INCENP: variants seen among roughly 807,000 people sequenced by gnomAD.
The protein encoded by INCENP is binds and activates aurora-B and -C in vivo and in vitro.
A neutral mutation model predicts 107.3 loss-of-function variants in INCENP; 43 were observed. The ratio of observed to expected loss-of-function variants is 0.40; its 90% CI spans 0.31 to 0.52. INCENP has a LOEUF of 0.52. INCENP is among the 20% of genes least tolerant of loss of function. INCENP has a pLI of 0.53. For missense variants in INCENP, 1,089 were observed against 1,250.9 expected (o/e 0.87, Z 1.95); for synonymous variants, 488 against 494.4 (o/e 0.99, Z 0.17).
chr11:62,148,323 G>T (rs1028029305), intron 15 of INCENP, among the ~76,000 whole-genome samples, 153 bp from the exon 16 acceptor site: 1 of 152,216 alleles, frequency 6.6e-6, no homozygotes, highest in Admixed American at 6.5e-5. Flanking sequence ...GGGCAAAAGC[G>T]CAGCTCTTGG....
At chr11:62,135,494 C>T (rs903218897) in intron 4 of INCENP, among the ~76,000 whole-genome samples, 1 of 152,058 alleles carries the variant, frequency 6.6e-6, no homozygotes, top group Non-Finnish European at 1.5e-5. Flanking sequence ...AAACTCCTGA[C>T]CTCAAATCAT....
rs1418886521 is a variant in INCENP, at chr11:62,128,813, C to T, written c.184C>T (p.Gln62Ter). 6.2e-7 allele frequency: 1 copy of T among 1,614,154 alleles called. No homozygotes were observed. Among genetic ancestry groups the T allele is most frequent in the Non-Finnish European group, 8.5e-7 (1 of 1,180,002 alleles). Reference protein sequence around the residue: ...EPELMPKTPSQKNRRKKRRIS... With the variant: ...EPELMPKTPS The stretch of plus-strand genomic sequence containing the variant: ...AGAGCTGATGCCCAAAACACCTTCT[C>T]AGAAGAACCGACGGAAGAAGAGACG... Residue 62 changes from glutamine to a stop codon, truncating the protein, a stop_gained, in exon 3 of 19, where the codon CAG becomes TAG. Coordinates refer to ENST00000394818, the MANE Select transcript of INCENP (RefSeq NM_001040694.2). LOFTEE classifies it high-confidence loss of function.
Position 62,141,692 on chromosome 11 carries a change from C to T in INCENP, c.1605+181C>T, listed in dbSNP as rs1317222302. 7 of 786,644 alleles carry T rather than the reference C, an allele frequency of 8.9e-6. No homozygotes were observed. The East Asian group carries it at 1.5e-4, about 17-fold the overall frequency. 48.7% of individuals were successfully genotyped at this position (786,644 alleles called of 1,614,324 possible). On this transcript the variant is annotated intron_variant, in intron 11 of 18. Transcript: ENST00000394818. ...GCTGGAGGCGCCCAGCAGTTCTGGG[C>T]CCCAGCGTCCTTCTCTGCCCTCCCT...
chr11:62,132,688 T>C (rs1304652790), intron 4 of INCENP, among the ~76,000 whole-genome samples: 2 of 152,162 alleles, frequency 1.3e-5, no homozygotes, highest in African/African-American at 2.4e-5. Context: ...TCTCATGCCC[T>C]TCCATCACTC....
intron 1 of INCENP, among the ~76,000 whole-genome samples, chr11:62,125,884 G>T (rs1675129): frequency 0.57 from 85,981 of 152,102 alleles, 25,801 homozygotes; most frequent in Non-Finnish European, 0.67. Flanking sequence ...AAACAAGCAC[G>T]CAAGTGCTCT....
chr11:62,150,002 T>A, intron 17 of INCENP, 55 bp from the exon 18 acceptor site: 1 of 1,580,906 alleles, frequency 6.3e-7, no homozygotes. Flanking sequence ...CACTCCTCGG[T>A]GGTGAGAGAT....
intron 4 of INCENP, among the ~76,000 whole-genome samples, chr11:62,136,800 G>T (rs1944003810): frequency 6.6e-6 from 1 of 152,234 alleles, no homozygotes; most frequent in African/African-American, 2.4e-5. Flanking sequence ...CTCTGGCCTT[G>T]ACTGGGGCTG....
chr11:62,145,136 TG>T lies in INCENP; in HGVS notation c.1716-29del, dbSNP rs769945392. Reference sequence around the variant, plus strand: ...GGACTGTGGCCCATCCCAGCCTTGGTGGGGCTCCCCATGACTATCCTATGCC... The same window carrying T: ...GGACTGTGGCCCATCCCAGCCTTGGTGGGCTCCCCATGACTATCCTATGCC... On this transcript the variant is annotated intron_variant, in intron 12 of 18. Coordinates refer to ENST00000394818, the MANE Select transcript of INCENP (RefSeq NM_001040694.2). 4.3e-6 allele frequency: 7 copies of T among 1,613,970 alleles called. No individual in the cohort carries two copies. The South Asian group carries it at 5.5e-5, about 13-fold the overall frequency.
intron 14 of INCENP, 56 bp downstream of exon 14, chr11:62,145,807 C>A: frequency 6.6e-7 from 1 of 1,522,804 alleles, no homozygotes; most frequent in Non-Finnish European, 8.8e-7. Context: ...GCTGTCTCAG[C>A]ACCATGGGGC....
rs1335103278 is a variant in INCENP at position 62,150,105 on chromosome 11, C to G, written c.2440C>G (p.Pro814Ala). The G allele has an allele frequency of 6.2e-7, 1 of 1,614,042 alleles. No homozygotes were observed. The highest frequency in any genetic ancestry group is 8.5e-7 in the Non-Finnish European group (1 of 1,179,998). Reference protein sequence around the residue: ...YQMTPQGHRAPPKINPDNYGM... With the variant: ...YQMTPQGHRAAPKINPDNYGM... ...GATGACTCCGCAAGGGCACAGGGCC[C>G]CTCCCAAGATCAACCCAGATAACTA... Residue 814 changes from proline to alanine, a missense_variant, in exon 18 of 19, where the codon CCT (proline) becomes GCT (alanine). Physicochemically the swap from Pro to Ala is conservative, Grantham distance 27 (BLOSUM62 -1). Transcript: ENST00000394818.
At chr11:62,148,659 A>G in intron 16 of INCENP, 80 bp from the exon 17 acceptor site, 2 of 1,338,202 alleles carry the variant, frequency 1.5e-6, no homozygotes, top group East Asian at 2.5e-5. Flanking sequence ...GAAAGGGAGG[A>G]GAATGGAGCG....
intron 7 of INCENP, 34 bp downstream of exon 7, chr11:62,139,039 G>T: frequency 6.7e-7 from 1 of 1,501,202 alleles, no homozygotes; most frequent in South Asian, 1.1e-5. Context: ...TGCAGTGCCC[G>T]GAGCCACAGC....
At chr11:62,135,941 C>T in intron 4 of INCENP, among the ~76,000 whole-genome samples, 1 of 152,104 alleles carries the variant, frequency 6.6e-6, no homozygotes, top group Non-Finnish European at 1.5e-5. Context: ...TCCCGAGTAG[C>T]TGGGACTACA....
At chr11:62,140,578 C>T in intron 8 of INCENP, 126 bp from the exon 9 acceptor site, 1 of 815,784 alleles carries the variant, frequency 1.2e-6, no homozygotes, top group South Asian at 1.7e-5. Flanking sequence ...TGCTTAGGCT[C>T]TGCAGCCTCT....
At position 62,138,565 on chromosome 11, in the gene INCENP, C is replaced by T. The variant is rs545879009; in HGVS notation, c.1116-148C>T. The T allele has an allele frequency of 4.2e-5, 27 of 645,316 alleles. No homozygotes were observed. The Admixed American group carries it at 4.3e-4, about 10-fold the overall frequency. 40.0% of individuals were successfully genotyped at this position (645,316 alleles called of 1,614,324 possible). Reference sequence around the variant, plus strand: ...TTGCCGGGAGCTGCCATCCTCCTATCCTACAGGGGGCTGTGGGTTCGTGGC... The same window carrying T: ...TTGCCGGGAGCTGCCATCCTCCTATTCTACAGGGGGCTGTGGGTTCGTGGC... On this transcript the variant is annotated intron_variant, in intron 5 of 18. Transcript: ENST00000394818.
At chr11:62,133,824 C>T (rs964871758) in intron 4 of INCENP, among the ~76,000 whole-genome samples, 1 of 152,140 alleles carries the variant, frequency 6.6e-6, no homozygotes, top group Non-Finnish European at 1.5e-5. Flanking sequence ...CACCACCTCC[C>T]CAAACCTGGC....
In INCENP at chr11:62,138,947, CACACCCA is replaced by C; in HGVS notation, c.1236_1242del (p.Pro413ArgfsTer43). The C allele has an allele frequency of 1.9e-6, 3 of 1,614,160 alleles. No individual in the cohort carries two copies. Among genetic ancestry groups the C allele is most frequent in the Non-Finnish European group, 2.5e-6 (3 of 1,179,996 alleles). On this transcript the variant is annotated frameshift_variant, in exon 7 of 19. Transcript: ENST00000394818. ...ACAATGACACGGAGATTGCCAACAG[CACACCCA>C]ACCCGAAGCCTGCAGCCAGCAGCCC...
At chr11:62,125,150 AT>A (rs1441391129) in intron 1 of INCENP, among the ~76,000 whole-genome samples, 2 of 152,122 alleles carry the variant, frequency 1.3e-5, no homozygotes, top group Admixed American at 1.3e-4. Flanking sequence ...TGAAGAAGAG[AT>A]TTTTGCTGCT....
At chr11:62,149,966 A>G (rs1039431164) in intron 17 of INCENP, 91 bp from the exon 18 acceptor site, 3 of 1,244,036 alleles carry the variant, frequency 2.4e-6, no homozygotes, top group Non-Finnish European at 3.4e-6. Flanking sequence ...CTCCTGTGAA[A>G]TAGGAGGAGG....
Sources: gnomAD v4.1 joint callset for allele counts (sites outside exome capture counted in the v4.1 genomes callset) on GRCh38, gnomAD v4.1.1 for gene constraint, MANE v1.5 for transcripts, NCBI Gene and HGNC (gene_info 2026-07-23, HGNC 2026-07-21) for gene names.